NLRC3: variants seen among roughly 807,000 people sequenced by gnomAD.
The protein encoded by NLRC3 is NLR family CARD domain containing 3.
A neutral mutation model predicts 91.6 loss-of-function variants in NLRC3; 87 were observed. The observed-to-expected ratio is 0.95, with a 90% CI of 0.80 to 1.14. The LOEUF is 1.14. Among genes scored for constraint, NLRC3 ranks in the 50% most tolerant of loss-of-function variants. The probability of loss-of-function intolerance (pLI) is 0.00; values close to 1 mark genes in which losing one functional copy is unlikely to be tolerated. For missense variants in NLRC3, 1,577 were observed against 1,418.6 expected (o/e 1.11, Z -1.79); for synonymous variants, 694 against 625.3 (o/e 1.11, Z -1.64).
intron 1 of NLRC3, among the ~76,000 whole-genome samples, chr16:3,576,128 G>C (rs1443986719): frequency 6.6e-6 from 1 of 152,196 alleles, no homozygotes; most frequent in Non-Finnish European, 1.5e-5. Context: ...CCTGCAGCCT[G>C]TGATGGCCAA....
intron 1 of NLRC3, among the ~76,000 whole-genome samples, chr16:3,571,617 AAAT>A (rs2040100411): frequency 1.3e-5 from 2 of 151,430 alleles, no homozygotes; most frequent in African/African-American, 4.8e-5. Flanking sequence ...TTAAAATATT[AAAT>A]AATTAAATAT....
chr16:3,548,588 TGG>T, intron 14 of NLRC3, 80 bp downstream of exon 14: 1 of 1,049,940 alleles, frequency 9.5e-7, no homozygotes, highest in Non-Finnish European at 1.4e-6. Context: ...AAACCAGGTG[TGG>T]CCTGTGCATC....
intron 1 of NLRC3, among the ~76,000 whole-genome samples, chr16:3,571,994 T>C (rs2040114398): frequency 1.3e-5 from 2 of 151,504 alleles, no homozygotes; most frequent in African/African-American, 2.4e-5. Context: ...TGCCATAAAG[T>C]TGAAAGAAAA....
At position 3,557,717 on chromosome 16, in the gene NLRC3, C is replaced by T. The variant is rs548851541; in HGVS notation, c.2016-41G>A. ...GAGAGGAGTGGTTATTTTAGGCATG[C>T]ACATCTCATGGCCTCTTCCTCAACG... On this transcript the variant is annotated intron_variant, in intron 6 of 19. Coordinates refer to ENST00000359128, the MANE Select transcript of NLRC3 (RefSeq NM_178844.4). The T allele has an allele frequency of 8.5e-6, 11 of 1,287,102 alleles. No individual in the cohort carries two copies. The Admixed American group carries it at 8.6e-5, about 10-fold the overall frequency. The allele number at this position is 1,287,102 out of a possible 1,614,324, so 79.7% of individuals were successfully genotyped here. A position where few individuals can be genotyped will look rare whatever the true frequency, so the allele number is the denominator to read the frequency against.
rs1408318108 is a variant in NLRC3, at chr16:3,549,222, A to G, written c.2523T>C (p.Leu841=). 6.3e-7 allele frequency: 1 copy of G among 1,575,852 alleles called. No homozygotes were observed. The highest frequency in any genetic ancestry group is 2.3e-5 in the East Asian group (1 of 43,154). Residue 841 remains leucine (L), a synonymous_variant, in exon 13 of 20, where the codon CTT becomes CTC. Transcript: ENST00000359128. ...CTNQTLLSLS[L]RENSISPEGA... is the part of the protein sequence containing the mutation. ...CCTCGGGACTGATGGAGTTTTCTCGAAGGCTGAAAAAAAAGGAAAGACCTG... is the reference window on the plus strand; with the variant it reads ...CCTCGGGACTGATGGAGTTTTCTCGGAGGCTGAAAAAAAAGGAAAGACCTG...
intron 6 of NLRC3, among the ~76,000 whole-genome samples, chr16:3,558,932 T>C (rs542419065): frequency 6.6e-6 from 1 of 152,234 alleles, no homozygotes; most frequent in Non-Finnish European, 1.5e-5. Flanking sequence ...CCACCACACC[T>C]GGCTAGTTTT....
At position 3,549,291 on chromosome 16, in the gene NLRC3, A is replaced by G. The variant is rs1039392743; in HGVS notation, c.2520-66T>C. 5.9e-6 allele frequency: 7 copies of G among 1,189,246 alleles called. No individual in the cohort carries two copies. In the Admixed American group the frequency reaches 1.2e-4, roughly 20 times the overall value. 73.7% of individuals were successfully genotyped at this position (1,189,246 alleles called of 1,614,324 possible). A position where few individuals can be genotyped will look rare whatever the true frequency, so the allele number is the denominator to read the frequency against. On this transcript the variant is annotated intron_variant, in intron 12 of 19. Transcript: ENST00000359128. Reference sequence around the variant, plus strand: ...TGAGGTGTCTGGCAAAGCCAAGCCCAGGTGTTTAGGCTTCTTGAAGCCCAA... The same window carrying G: ...TGAGGTGTCTGGCAAAGCCAAGCCCGGGTGTTTAGGCTTCTTGAAGCCCAA...
rs2039907019 is a variant in NLRC3, at chr16:3,566,936, AATAAAAG to A, written c.-87+300_-87+306del. Among the ~76,000 whole-genome samples, 10 of 152,282 alleles carry A rather than the reference AATAAAAG, an allele frequency of 6.6e-5. No homozygotes were observed. In the South Asian group the frequency reaches 2.1e-3, roughly 32 times the overall value. Reference sequence around the variant, plus strand: ...AAAAGCTTATTAATTAAAAAAAGGAAATAAAAGATAGAAGAAGGAGGAGTCAAAAAGG... The same window carrying A: ...AAAAGCTTATTAATTAAAAAAAGGAAATAGAAGAAGGAGGAGTCAAAAAGG... On this transcript the variant is annotated intron_variant, in intron 2 of 19. Coordinates refer to ENST00000359128, the MANE Select transcript of NLRC3 (RefSeq NM_178844.4).
At chr16:3,571,383 C>CA (rs111740606) in intron 1 of NLRC3, among the ~76,000 whole-genome samples, 26,292 of 138,874 alleles carry the variant, frequency 0.19, 2,584 homozygotes, top group South Asian at 0.3. Context: ...ACCATCTCTA[C>CA]AAAAAAAAAA....
At chr16:3,561,289 A>G (rs1023335485) in intron 6 of NLRC3, among the ~76,000 whole-genome samples, 6 of 152,032 alleles carry the variant, frequency 3.9e-5, no homozygotes, top group Non-Finnish European at 7.4e-5. Flanking sequence ...AGAGATTACA[A>G]TGAGCCGAGA....
chr16:3,543,355 C>T (rs1325576057), intron 17 of NLRC3, 70 bp downstream of exon 17: 1 of 1,060,056 alleles, frequency 9.4e-7, no homozygotes, highest in Non-Finnish European at 1.4e-6. Flanking sequence ...ACTTTGTCCC[C>T]ATATCTATTC....
At chr16:3,550,318 A>G (rs879427061) in intron 11 of NLRC3, 96 bp downstream of exon 11, 1 of 749,596 alleles carries the variant, frequency 1.3e-6, no homozygotes, top group South Asian at 1.6e-5. Flanking sequence ...TGGCAGGGAA[A>G]TGGCCCTGGG....
rs1343048191 is a variant in NLRC3, at chr16:3,541,540, T to TA, written c.*284dup. On this transcript the variant is annotated 3_prime_UTR_variant, in exon 20 of 20. Coordinates refer to ENST00000359128, the MANE Select transcript of NLRC3 (RefSeq NM_178844.4). ...GTGTAAAGCTGGAACCAGCCTCCTG[T>TA]ACTGCTCAGCTTTCAGGCCTTTGGC... 4.5e-6 allele frequency: 2 copies of TA among 447,192 alleles called. No individual in the cohort carries two copies. The highest frequency in any genetic ancestry group is 8.1e-6 in the Non-Finnish European group (2 of 246,800). The allele number at this position is 447,192 out of a possible 1,614,324, so 27.7% of individuals were successfully genotyped here.
At chr16:3,544,467 C>A in intron 15 of NLRC3, 138 bp from the exon 16 acceptor site, 1 of 646,054 alleles carries the variant, frequency 1.5e-6, no homozygotes, top group Non-Finnish European at 2.8e-6. Context: ...GGATAACTGC[C>A]CTTCCTCCAC....
chr16:3,549,288 C>G (rs1200155614), intron 12 of NLRC3, 63 bp from the exon 13 acceptor site: 5 of 1,253,052 alleles, frequency 4.0e-6, no homozygotes, highest in Non-Finnish European at 4.6e-6. Context: ...CAAAGCCAAG[C>G]CCAGGTGTTT....
chr16:3,563,959 G>A lies in NLRC3; in HGVS notation c.978C>T (p.Cys326=). ...VQADRALYLM[C]TVPAFCRLTG... ...TGAGCCTGCAGAAGGCTGGGACGGT[G>A]CACATCAGGTACAGGGCCCTGTCAG... is the stretch of plus-strand genomic sequence containing the variant. The change falls in exon 5 of 20, where the codon TGC becomes TGT. Residue 326 remains cysteine, a synonymous_variant. Coordinates refer to ENST00000359128, the MANE Select transcript of NLRC3 (RefSeq NM_178844.4). The A allele has an allele frequency of 6.2e-7, 1 of 1,601,330 alleles. No individual in the cohort carries two copies. Among genetic ancestry groups the A allele is most frequent in the Non-Finnish European group, 8.5e-7 (1 of 1,176,596 alleles).
In NLRC3 at chr16:3,563,956, G is replaced by A. The variant is rs377520462; in HGVS notation, c.981C>T (p.Thr327=). The change falls in exon 5 of 20, where the codon ACC becomes ACT. Residue 327 remains threonine (T), a synonymous_variant. Transcript: ENST00000359128. ...QADRALYLMC[T]VPAFCRLTGM... ...CCGTGAGCCTGCAGAAGGCTGGGAC[G>A]GTGCACATCAGGTACAGGGCCCTGT... 8.9e-5 allele frequency: 142 copies of A among 1,599,554 alleles called. No homozygotes were observed. The highest frequency in any genetic ancestry group is 1.1e-4 in the Non-Finnish European group (127 of 1,175,578).
At chr16:3,562,829 G>A in intron 5 of NLRC3, 180 bp downstream of exon 5, 1 of 704,752 alleles carries the variant, frequency 1.4e-6, no homozygotes, top group Non-Finnish European at 2.6e-6. Flanking sequence ...CTTGATTTGA[G>A]ACTTCTGGCC....
chr16:3,574,688 C>T (rs2151109982), intron 1 of NLRC3, among the ~76,000 whole-genome samples: 1 of 152,302 alleles, frequency 6.6e-6, no homozygotes, highest in South Asian at 2.1e-4. Flanking sequence ...AACCTGGGCA[C>T]AGTGGCTCAT....
Sources: gnomAD v4.1 joint callset for allele counts (sites outside exome capture counted in the v4.1 genomes callset) on GRCh38, gnomAD v4.1.1 for gene constraint, MANE v1.5 for transcripts, NCBI Gene and HGNC (gene_info 2026-07-23, HGNC 2026-07-21) for gene names.